UBA6: variants seen among roughly 807,000 people sequenced by gnomAD.
UBA6 encodes ubiquitin like modifier activating enzyme 6.
UBA6 carries 87 observed loss-of-function variants against 148.3 expected under a neutral mutation model. The observed-to-expected ratio is 0.59, with a 90% CI of 0.49 to 0.70. The LOEUF (loss-of-function observed/expected upper bound fraction) is 0.70. UBA6 is among the 30% of genes least tolerant of loss of function. UBA6 has a pLI of 0.00. For synonymous variants in UBA6, 376 were observed against 401.0 expected, an observed-to-expected ratio of 0.94 and a Z score of 0.75; for missense variants, 1,186 against 1,241.2, an observed-to-expected ratio of 0.96 and a Z score of 0.67.
intron 4 of UBA6, among the ~76,000 whole-genome samples, chr4:67,679,139 T>G (rs576506774): frequency 1.3e-5 from 2 of 152,076 alleles, no homozygotes; most frequent in African/African-American, 2.4e-5. Flanking sequence ...TATAAAGAGA[T>G]AGCAAGGTAA....
chr4:67,696,254 T>C (rs1384417008), intron 2 of UBA6, among the ~76,000 whole-genome samples: 1 of 152,156 alleles, frequency 6.6e-6, no homozygotes, highest in Non-Finnish European at 1.5e-5. Context: ...ATGAAAGGGT[T>C]ATTTTGCAAG....
chr4:67,654,086 G>T (rs1729622138), intron 13 of UBA6, among the ~76,000 whole-genome samples: 1 of 152,174 alleles, frequency 6.6e-6, no homozygotes, highest in African/African-American at 2.4e-5. Flanking sequence ...GTGACAGGGA[G>T]AATGGAACCA....
At chr4:67,698,688 G>A (rs1222794637) in intron 1 of UBA6, among the ~76,000 whole-genome samples, 2 of 152,092 alleles carry the variant, frequency 1.3e-5, no homozygotes, top group African/African-American at 4.8e-5. Flanking sequence ...GGATGGGCGC[G>A]GTGGCTCATG....
chr4:67,638,674 A>G (rs1729228686), intron 19 of UBA6, among the ~76,000 whole-genome samples: 1 of 152,222 alleles, frequency 6.6e-6, no homozygotes, highest in Non-Finnish European at 1.5e-5. Flanking sequence ...TACAGCTAGA[A>G]TAAGGGGAGC....
intron 12 of UBA6, 93 bp from the exon 13 acceptor site, chr4:67,662,348 A>C: frequency 8.8e-7 from 1 of 1,139,332 alleles, no homozygotes; most frequent in Non-Finnish European, 1.2e-6. Flanking sequence ...AAATATATAA[A>C]AGAATGTGGG....
intron 32 of UBA6, among the ~76,000 whole-genome samples, chr4:67,621,234 A>T (rs778278148): frequency 7.9e-5 from 12 of 152,252 alleles, no homozygotes; most frequent in Non-Finnish European, 1.8e-4. Context: ...GCCTTAGCTA[A>T]TAAAATAGTA....
intron 2 of UBA6, among the ~76,000 whole-genome samples, chr4:67,693,843 T>C (rs1730758393): frequency 6.6e-6 from 1 of 152,134 alleles, no homozygotes; most frequent in Admixed American, 6.5e-5. Context: ...ATTTCATGCC[T>C]TGTCCCTAAA....
At position 67,663,155 on chromosome 4, in the gene UBA6, G is replaced by T; in HGVS notation, c.1021C>A (p.Arg341Ser). ...AAACATTACCCAACATTTGGCTTGC[G>T]ACTGTATTTCTCCTGAAACTGGTCC... ...ALDQFQEKYSRKPNVGCQQDS... is the reference protein window; with the variant it reads ...ALDQFQEKYSSKPNVGCQQDS... Residue 341 changes from arginine to serine, a missense_variant, in exon 12 of 33, where the codon CGC becomes AGC. Transcript: ENST00000322244. 1 of 1,609,814 alleles carries T rather than the reference G, an allele frequency of 6.2e-7. No individual in the cohort carries two copies. The highest frequency in any genetic ancestry group is 1.1e-5 in the South Asian group (1 of 90,212).
chr4:67,622,837 T>C lies in UBA6; in HGVS notation c.3017A>G (p.Lys1006Arg), dbSNP rs779658602. ...TATAATGTTGAATACTTACGTTAAC[T>C]TCAATCTTTTTGCATGACCAGGCAT... ...PVMPGHAKRL[K>R]LTMHKLVKPT... The change falls in exon 32 of 33, where the codon AAG becomes AGG. Residue 1006 changes from lysine to arginine, a missense_variant. Coordinates refer to ENST00000322244, the MANE Select transcript of UBA6 (RefSeq NM_018227.6). 24 of 1,608,272 alleles carry C rather than the reference T, an allele frequency of 1.5e-5. No homozygotes were observed. The highest frequency in any genetic ancestry group is 2.7e-5 in the African/African-American group (2 of 74,642).
intron 2 of UBA6, among the ~76,000 whole-genome samples, chr4:67,685,769 C>T (rs1051425929): frequency 8.5e-5 from 13 of 152,064 alleles, no homozygotes; most frequent in African/African-American, 3.1e-4. Context: ...AAAGTAGGTT[C>T]AGCCCCCTAT....
chr4:67,678,416 A>C (rs1419894953), intron 5 of UBA6, 23 bp downstream of exon 5: 4 of 1,443,840 alleles, frequency 2.8e-6, no homozygotes, highest in Non-Finnish European at 3.8e-6. Context: ...AAAACTCATG[A>C]TAATACATCA....
chr4:67,640,373 T>C (rs1429124807), intron 18 of UBA6, among the ~76,000 whole-genome samples: 1 of 152,256 alleles, frequency 6.6e-6, no homozygotes, highest in Non-Finnish European at 1.5e-5. Flanking sequence ...CTATGACATC[T>C]GTTTTAGTTA....
chr4:67,691,176 A>C (rs1560503238), intron 2 of UBA6, among the ~76,000 whole-genome samples: 1 of 152,142 alleles, frequency 6.6e-6, no homozygotes, highest in Non-Finnish European at 1.5e-5. Context: ...TAGCCTAGAA[A>C]TACCCAAAAA....
At chr4:67,694,643 C>G (rs573540874) in intron 2 of UBA6, among the ~76,000 whole-genome samples, 51 of 152,132 alleles carry the variant, frequency 3.4e-4, no homozygotes, top group African/African-American at 1.1e-3. Context: ...GTGATCCACC[C>G]GCCTCGGCCT....
Position 67,614,416 on chromosome 4 carries a change from TAC to T in UBA6, c.*4579_*4580del, listed in dbSNP as rs1398303370. ...GCTCAGAATAATCTCTGAAAATATT[TAC>T]AGAGTTTGACTCTTTTCATCAACAG... On this transcript the variant is annotated 3_prime_UTR_variant, in exon 33 of 33. Coordinates refer to ENST00000322244, the MANE Select transcript of UBA6 (RefSeq NM_018227.6). The T allele has an allele frequency of 6.6e-6, 1 of 152,196 alleles. No homozygotes were observed. The highest frequency in any genetic ancestry group is 2.4e-5 in the African/African-American group (1 of 41,442). The allele number at this position is 152,196 out of a possible 1,614,324, so 9.4% of individuals were successfully genotyped here. A position where few individuals can be genotyped will look rare whatever the true frequency, so the allele number is the denominator to read the frequency against.
At chr4:67,640,601 A>G (rs1209430759) in intron 18 of UBA6, among the ~76,000 whole-genome samples, 1 of 152,290 alleles carries the variant, frequency 6.6e-6, no homozygotes, top group East Asian at 1.9e-4. Context: ...GGCATGAGCT[A>G]TTGTGTCTGG....
At chr4:67,650,979 T>C (rs1729541384) in intron 13 of UBA6, among the ~76,000 whole-genome samples, 1 of 152,110 alleles carries the variant, frequency 6.6e-6, no homozygotes. Context: ...GGTCATCCAT[T>C]AGAAGCTCCT....
intron 17 of UBA6, among the ~76,000 whole-genome samples, 169 bp from the exon 18 acceptor site, chr4:67,641,397 T>A (rs933530358): frequency 3.3e-5 from 5 of 152,340 alleles, no homozygotes; most frequent in African/African-American, 1.2e-4. Flanking sequence ...TACTCTTTTA[T>A]GTTTTATTTA....
At chr4:67,693,167 TCCTCC>T (rs2109959890) in intron 2 of UBA6, among the ~76,000 whole-genome samples, 1 of 151,890 alleles carries the variant, frequency 6.6e-6, no homozygotes, top group East Asian at 1.9e-4. Context: ...CAAAACCAAC[TCCTCC>T]CCTTCCTCCT....
Sources: gnomAD v4.1 joint callset for allele counts (sites outside exome capture counted in the v4.1 genomes callset) on GRCh38, gnomAD v4.1.1 for gene constraint, MANE v1.5 for transcripts, NCBI Gene and HGNC (gene_info 2026-07-23, HGNC 2026-07-21) for gene names.